Variants in MTUS2 observed in about 807,000 individuals in gnomAD.
The protein encoded by MTUS2 is microtubule-associated tumor suppressor candidate 2.
A neutral mutation model predicts 114.1 loss-of-function variants in MTUS2; 40 were observed. The observed-to-expected ratio is 0.35, with a 90% CI of 0.27 to 0.46. The LOEUF is 0.46. MTUS2 is among the 20% of genes least tolerant of loss of function. The pLI is 1.00. For missense variants in MTUS2, 1,679 were observed against 1,705.4 expected, an observed-to-expected ratio of 0.98 and a Z score of 0.27; for synonymous variants, 688 against 672.0, an observed-to-expected ratio of 1.02 and a Z score of -0.37.
Position 29,238,798 on chromosome 13 carries a change from A to C in MTUS2, c.2645-42906A>C, listed in dbSNP as rs533053273. Among the ~76,000 whole-genome samples, 20 of 152,290 alleles carry C rather than the reference A, an allele frequency of 1.3e-4. No homozygotes were observed. In the South Asian group the frequency reaches 4.1e-3, roughly 32 times the overall value. Reference sequence around the variant, plus strand: ...CCAATCAAGTTGACACTCAGTATTAACCATCACGGTGGATGAACCTGGATT... The same window carrying C: ...CCAATCAAGTTGACACTCAGTATTACCCATCACGGTGGATGAACCTGGATT... On this transcript the variant is annotated intron_variant, in intron 5 of 15. Transcript: ENST00000612955.
intron 9 of MTUS2, among the ~76,000 whole-genome samples, chr13:29,477,916 A>C (rs1292538127): frequency 2.0e-5 from 3 of 152,186 alleles, no homozygotes; most frequent in Non-Finnish European, 4.4e-5. Flanking sequence ...TACATAAATA[A>C]TTTAAAAAGA....
At chr13:29,124,020 A>C (rs1158746379) in intron 5 of MTUS2, among the ~76,000 whole-genome samples, 1 of 152,242 alleles carries the variant, frequency 6.6e-6, no homozygotes, top group Non-Finnish European at 1.5e-5. Flanking sequence ...GAAATGACAA[A>C]TAATTCTCTC....
intron 5 of MTUS2, among the ~76,000 whole-genome samples, chr13:29,199,022 G>C (rs1024322618): frequency 2.6e-5 from 4 of 152,168 alleles, no homozygotes; most frequent in African/African-American, 7.2e-5. Flanking sequence ...GAGACATTTT[G>C]ACTTCCTCTC....
chr13:29,454,718 G>A (rs1374576647), intron 9 of MTUS2, among the ~76,000 whole-genome samples: 3 of 152,172 alleles, frequency 2.0e-5, no homozygotes, highest in African/African-American at 4.8e-5. Flanking sequence ...AAAGTCAGTC[G>A]TGTGCTGTAT....
intron 2 of MTUS2, among the ~76,000 whole-genome samples, chr13:28,887,865 C>T (rs1210325417): frequency 6.6e-6 from 1 of 152,214 alleles, no homozygotes; most frequent in East Asian, 1.9e-4. Flanking sequence ...ATCTAGACTG[C>T]CTCTCTGTTA....
intron 2 of MTUS2, among the ~76,000 whole-genome samples, chr13:28,985,850 G>A (rs946795394): frequency 6.6e-6 from 1 of 152,310 alleles, no homozygotes; most frequent in South Asian, 2.1e-4. Flanking sequence ...TCCTGAGCAA[G>A]AGGGAAGTCT....
At chr13:29,274,852 C>T (rs939227675) in intron 5 of MTUS2, among the ~76,000 whole-genome samples, 1 of 152,152 alleles carries the variant, frequency 6.6e-6, no homozygotes, top group African/African-American at 2.4e-5. Context: ...GCTCCAGCCT[C>T]CCAAGTAGCT....
chr13:29,457,265 T>C (rs1374370763), intron 9 of MTUS2, among the ~76,000 whole-genome samples: 1 of 152,124 alleles, frequency 6.6e-6, no homozygotes, highest in Admixed American at 6.6e-5. Context: ...AGATATAGGA[T>C]ATTTACATTG....
rs142966278 is a variant in MTUS2 at position 29,356,721 on chromosome 13, A to G, written c.2906-2541A>G. Among the ~76,000 whole-genome samples, 12 of 152,368 alleles carry G rather than the reference A, an allele frequency of 7.9e-5. No individual in the cohort carries two copies. In the East Asian group the frequency reaches 2.1e-3, roughly 27 times the overall value. On this transcript the variant is annotated intron_variant, in intron 7 of 15. Transcript: ENST00000612955. The stretch of plus-strand genomic sequence containing the variant: ...AGTCCTAGGCAAAGTCACGCTGGAT[A>G]TGTTTAGAGAATGGCAGGACCCTTT...
chr13:29,055,995 C>T (rs1385981293), intron 4 of MTUS2, among the ~76,000 whole-genome samples: 2 of 151,898 alleles, frequency 1.3e-5, no homozygotes, highest in Non-Finnish European at 1.5e-5. Flanking sequence ...AATATTTTCT[C>T]TTATTTGGTA....
chr13:29,464,539 C>G (rs1015414922), intron 9 of MTUS2, among the ~76,000 whole-genome samples: 12 of 152,302 alleles, frequency 7.9e-5, no homozygotes, highest in Non-Finnish European at 1.8e-4. Context: ...ATTTCACACA[C>G]CAGAGCTGGC....
chr13:29,390,975 G>T (rs1873407683), intron 8 of MTUS2, among the ~76,000 whole-genome samples: 2 of 152,054 alleles, frequency 1.3e-5, no homozygotes, highest in Admixed American at 6.5e-5. Flanking sequence ...TAGAGACGGG[G>T]TTTCACCATA....
intron 8 of MTUS2, among the ~76,000 whole-genome samples, chr13:29,405,142 A>G (rs992303598): frequency 1.3e-5 from 2 of 152,220 alleles, no homozygotes; most frequent in African/African-American, 2.4e-5. Context: ...CAGCAATTCA[A>G]TGAAAGAGTA....
chr13:28,897,113 GCAACCTGCAGA>G (rs1468844710), intron 2 of MTUS2, among the ~76,000 whole-genome samples: 3 of 152,172 alleles, frequency 2.0e-5, no homozygotes, highest in Non-Finnish European at 4.4e-5. Flanking sequence ...GAGTGAACAG[GCAACCTGCAGA>G]ATAGGAGAAA....
At chr13:29,161,542 TGCAAGATAAAATTAATAACTTGCTCCCC>T (rs940819161) in intron 5 of MTUS2, among the ~76,000 whole-genome samples, 1 of 152,168 alleles carries the variant, frequency 6.6e-6, no homozygotes, top group Non-Finnish European at 1.5e-5. Flanking sequence ...ACTCTTTTCT[TGCAAGATAAAATTAATAACTTGCTCCCC>T]GCAAGATAAA....
intron 4 of MTUS2, among the ~76,000 whole-genome samples, chr13:29,075,738 G>A (rs555890842): frequency 2.3e-4 from 35 of 152,194 alleles, no homozygotes; most frequent in African/African-American, 8.2e-4. Context: ...CTTAACCCAA[G>A]GATTTTAGTC....
intron 12 of MTUS2, among the ~76,000 whole-genome samples, chr13:29,493,224 C>A (rs555185435): frequency 1.3e-5 from 2 of 152,212 alleles, no homozygotes; most frequent in African/African-American, 4.8e-5. Flanking sequence ...AAACGCTGGT[C>A]TCAGATGCCA....
chr13:29,390,241 C>A (rs548236658), intron 8 of MTUS2, among the ~76,000 whole-genome samples: 42 of 151,568 alleles, frequency 2.8e-4, no homozygotes, highest in African/African-American at 1.0e-3. Flanking sequence ...TAAAGATTCA[C>A]AAGGCCCAAA....
At chr13:29,375,997 ATATG>A (rs1194975508) in intron 8 of MTUS2, among the ~76,000 whole-genome samples, 4 of 9,958 alleles carry the variant, frequency 4.0e-4, no homozygotes, top group South Asian at 0.036. Flanking sequence ...ATTTAAACAT[ATATG>A]TGTGTGTGTG....
Sources: allele counts gnomAD v4.1 joint callset (sites outside exome capture counted in the v4.1 genomes callset), GRCh38; gene constraint gnomAD v4.1.1; transcripts MANE v1.5; gene names NCBI Gene and HGNC (gene_info 2026-07-23, HGNC 2026-07-21).